The following HECW1 variants were observed in gnomAD, a reference collection of about 807,000 sequenced individuals.
HECW1 encodes HECT, C2 and WW domain containing E3 ubiquitin protein ligase 1, also known as E3 ubiquitin-protein ligase HECW1.
HECW1 carries 61 observed loss-of-function variants against 182.3 expected under a neutral mutation model. The ratio of observed to expected loss-of-function variants is 0.33; its 90% CI spans 0.27 to 0.41. HECW1 has a LOEUF of 0.41. Ranked by LOEUF, HECW1 falls within the 10% of genes least tolerant of loss-of-function variation. The pLI, the probability that HECW1 is intolerant of heterozygous loss-of-function variation, is 1.00. For synonymous variants in HECW1, 859 were observed against 832.6 expected, an observed-to-expected ratio of 1.03 and a Z score of -0.55; for missense variants, 1,739 against 2,108.9, an observed-to-expected ratio of 0.82 and a Z score of 3.44.
intron 2 of HECW1, among the ~76,000 whole-genome samples, chr7:43,210,977 A>G (rs1583988894): frequency 6.6e-6 from 1 of 152,160 alleles, no homozygotes; most frequent in South Asian, 2.1e-4. Flanking sequence ...GGACCCAAAG[A>G]GGGTAGCCGA....
rs77755857 is a variant in HECW1, at chr7:43,212,779, T to G, written c.-31-31096T>G. On this transcript the variant is annotated intron_variant, in intron 2 of 29. Transcript: ENST00000395891. ...TCTTTTACTTTATTTCCAGTCATATTTCTAATATTCTTTAAAATGTACATT... is the reference window on the plus strand; with the variant it reads ...TCTTTTACTTTATTTCCAGTCATATGTCTAATATTCTTTAAAATGTACATT... Among the ~76,000 whole-genome samples, 1,466 of 152,340 alleles carry G rather than the reference T, an allele frequency of 9.6e-3. 12 individuals are homozygous for G. The highest frequency in any genetic ancestry group is 0.02 in the Middle Eastern group (6 of 294).
Position 43,260,085 on chromosome 7 carries a change from C to T in HECW1, c.27+16153C>T, listed in dbSNP as rs565122896. Among the ~76,000 whole-genome samples, 278 of 152,130 alleles carry T rather than the reference C, an allele frequency of 1.8e-3. 1 individual carries two copies. The highest frequency in any genetic ancestry group is 2.8e-3 in the Non-Finnish European group (188 of 67,992). On this transcript the variant is annotated intron_variant, in intron 3 of 29. Transcript: ENST00000395891. Reference sequence around the variant, plus strand: ...AACCACAGGAAAAAATGATATGTTGCATATAGAGGAATAATGACAAAAAAT... The same window carrying T: ...AACCACAGGAAAAAATGATATGTTGTATATAGAGGAATAATGACAAAAAAT...
At chr7:43,225,108 A>G (rs1359119377) in intron 2 of HECW1, among the ~76,000 whole-genome samples, 2 of 152,324 alleles carry the variant, frequency 1.3e-5, no homozygotes, top group Admixed American at 1.3e-4. Flanking sequence ...GAGGTTTGTC[A>G]GGGGCCTGGA....
At chr7:43,152,147 T>G (rs934826100) in intron 2 of HECW1, among the ~76,000 whole-genome samples, 5 of 152,200 alleles carry the variant, frequency 3.3e-5, no homozygotes, top group African/African-American at 1.2e-4. Flanking sequence ...ACAAATGAAA[T>G]ATACTTTGAG....
intron 5 of HECW1, among the ~76,000 whole-genome samples, chr7:43,344,536 CT>C (rs1327478707): frequency 6.7e-6 from 1 of 150,218 alleles, no homozygotes; most frequent in African/African-American, 2.5e-5. Flanking sequence ...TCTCTGATGT[CT>C]GATTGCTTTG....
chr7:43,188,572 C>G (rs995353593), intron 2 of HECW1, among the ~76,000 whole-genome samples: 1 of 152,198 alleles, frequency 6.6e-6, no homozygotes, highest in Non-Finnish European at 1.5e-5. Context: ...CCCAGAATCA[C>G]AGGCAACTAA....
chr7:43,114,839 A>C (rs1784916061), intron 2 of HECW1, among the ~76,000 whole-genome samples: 1 of 152,198 alleles, frequency 6.6e-6, no homozygotes, highest in Admixed American at 6.5e-5. Flanking sequence ...ACAGCCCATC[A>C]ATGTATCAAT....
At chr7:43,373,835 C>T (rs1457539181) in intron 6 of HECW1, among the ~76,000 whole-genome samples, 1 of 152,122 alleles carries the variant, frequency 6.6e-6, no homozygotes, top group African/African-American at 2.4e-5. Context: ...CATCCTACTT[C>T]CTGTCTCTAG....
chr7:43,181,200 T>G (rs1792831589), intron 2 of HECW1, among the ~76,000 whole-genome samples: 1 of 151,024 alleles, frequency 6.6e-6, no homozygotes, highest in African/African-American at 2.5e-5. Flanking sequence ...TATGGCTGAA[T>G]AGTATTTCAT....
rs192382564 is a variant in HECW1 at position 43,477,148 on chromosome 7, A to T, written c.3100-2462A>T. Among the ~76,000 whole-genome samples the T allele has an allele frequency of 7.9e-5, 12 of 152,302 alleles. No homozygotes were observed. The East Asian group carries it at 2.3e-3, about 29-fold the overall frequency. On this transcript the variant is annotated intron_variant, in intron 16 of 29. Coordinates refer to ENST00000395891, the MANE Select transcript of HECW1 (RefSeq NM_015052.5). ...AATTCATCATTATTTACCATTTAAC[A>T]TTTCTAAGAGTTCTTTCAAAATTAG...
At chr7:43,336,879 T>A (rs1812354589) in intron 5 of HECW1, among the ~76,000 whole-genome samples, 1 of 152,210 alleles carries the variant, frequency 6.6e-6, no homozygotes, top group Non-Finnish European at 1.5e-5. Flanking sequence ...AAGGACATGA[T>A]TTTATGTTTT....
chr7:43,186,019 G>A (rs546956577), intron 2 of HECW1, among the ~76,000 whole-genome samples: 4 of 152,258 alleles, frequency 2.6e-5, no homozygotes, highest in Non-Finnish European at 5.9e-5. Context: ...AGGAGAGGAT[G>A]GGCCTATACT....
At chr7:43,372,476 G>A (rs1383564851) in intron 6 of HECW1, among the ~76,000 whole-genome samples, 3 of 151,706 alleles carry the variant, frequency 2.0e-5, no homozygotes, top group Admixed American at 6.6e-5. Flanking sequence ...CCATTAACTC[G>A]TCGTTTTCAT....
intron 2 of HECW1, among the ~76,000 whole-genome samples, chr7:43,117,718 C>A (rs758638160): frequency 2.6e-5 from 4 of 152,122 alleles, no homozygotes; most frequent in Non-Finnish European, 4.4e-5. Context: ...TCCCATCCCA[C>A]AGTGTTTGGA....
intron 2 of HECW1, among the ~76,000 whole-genome samples, chr7:43,196,723 C>T (rs1794494690): frequency 6.6e-6 from 1 of 152,164 alleles, no homozygotes; most frequent in Admixed American, 6.5e-5. Flanking sequence ...TGCCCAGCTA[C>T]AAAGTCAGCT....
chr7:43,304,297 G>A (rs920986443), intron 3 of HECW1, among the ~76,000 whole-genome samples: 6 of 151,930 alleles, frequency 3.9e-5, no homozygotes, highest in Non-Finnish European at 8.8e-5. Context: ...CCGGACACCT[G>A]ACCCATCCCA....
chr7:43,341,011 G>A (rs1812911322), intron 5 of HECW1, among the ~76,000 whole-genome samples: 2 of 151,624 alleles, frequency 1.3e-5, no homozygotes, highest in South Asian at 2.1e-4. Context: ...CCTTTGCAGG[G>A]ACTTGGATGA....
intron 2 of HECW1, among the ~76,000 whole-genome samples, chr7:43,134,617 TGCCTCA>T (rs1787328275): frequency 6.6e-6 from 1 of 152,000 alleles, no homozygotes; most frequent in South Asian, 2.1e-4. Context: ...GCAATCCTCC[TGCCTCA>T]GCCTCCTAAG....
intron 3 of HECW1, among the ~76,000 whole-genome samples, chr7:43,305,399 CA>C (rs10714582): frequency 0.53 from 80,295 of 151,836 alleles, 24,287 homozygotes; most frequent in African/African-American, 0.85. Context: ...TCAATTACTG[CA>C]ATTCTGTCCA....
Sources: gnomAD v4.1 joint callset for allele counts (sites outside exome capture counted in the v4.1 genomes callset) on GRCh38, gnomAD v4.1.1 for gene constraint, MANE v1.5 for transcripts, NCBI Gene and HGNC (gene_info 2026-07-23, HGNC 2026-07-21) for gene names.